NPC1: variants seen among roughly 807,000 people sequenced by gnomAD.
NPC1 encodes the protein Niemann-Pick C1 protein.
Under a neutral mutation model 140.4 loss-of-function variants are expected in NPC1, and 85 were observed. That is an observed-to-expected ratio of 0.61 (90% confidence interval 0.51 to 0.72). The LOEUF (loss-of-function observed/expected upper bound fraction) is 0.72. Ranked by LOEUF, NPC1 falls within the 30% of genes least tolerant of loss-of-function variation. NPC1 has a pLI of 0.00. For missense variants in NPC1, 1,504 were observed against 1,623.8 expected (o/e 0.93, Z 1.27); for synonymous variants, 656 against 624.8 (o/e 1.05, Z -0.74).
At chr18:23,559,204 G>A (rs936665969) in intron 6 of NPC1, among the ~76,000 whole-genome samples, 6 of 152,170 alleles carry the variant, frequency 3.9e-5, no homozygotes, top group South Asian at 4.1e-4. Flanking sequence ...TGTCTTTATA[G>A]CAGCATGATT....
intron 10 of NPC1, among the ~76,000 whole-genome samples, chr18:23,549,252 AG>A (rs1315888202): frequency 6.6e-6 from 1 of 151,832 alleles, no homozygotes; most frequent in Non-Finnish European, 1.5e-5. Flanking sequence ...GCTGGAGTGC[AG>A]TGGCACAATC....
rs879083100 is a variant in NPC1, at chr18:23,557,062, T to C, written c.955+55A>G. ...GCAACCCCACTGAGGAAACGAATGC[T>C]CTCATGACAGACAGCATCATCTGAA... On this transcript the variant is annotated intron_variant, in intron 7 of 24. Transcript: ENST00000269228. 24 of 1,429,168 alleles carry C rather than the reference T, an allele frequency of 1.7e-5. No individual in the cohort carries two copies. In the South Asian group the frequency reaches 2.0e-4, roughly 12 times the overall value. The allele number at this position is 1,429,168 out of a possible 1,614,324, so 88.5% of individuals were successfully genotyped here. A position where few individuals can be genotyped will look rare whatever the true frequency, so the allele number is the denominator to read the frequency against.
At chr18:23,562,049 G>A (rs1310122886) in intron 4 of NPC1, among the ~76,000 whole-genome samples, 2 of 152,160 alleles carry the variant, frequency 1.3e-5, no homozygotes, top group Non-Finnish European at 2.9e-5. Context: ...CAGCACTCTG[G>A]GAGGCCGAGG....
At position 23,586,338 on chromosome 18, in the gene NPC1, G is replaced by A. The variant is rs2059418844; in HGVS notation, c.6C>T (p.Thr2=). 2 of 1,533,506 alleles carry A rather than the reference G, an allele frequency of 1.3e-6. No homozygotes were observed. Among genetic ancestry groups the A allele is most frequent in the Non-Finnish European group, 1.7e-6 (2 of 1,146,048 alleles). The allele number at this position is 1,533,506 out of a possible 1,614,324, so 95.0% of individuals were successfully genotyped here. ...GGAGGCCAAGGGCCAGGCCGCGAGC[G>A]GTCATGCTGTGGCCGCGCAAGGCTG... M[T]ARGLALGLLL... Residue 2 remains threonine (T), a synonymous_variant, in exon 1 of 25, where the codon ACC becomes ACT. Transcript: ENST00000269228.
At chr18:23,526,861 T>C, downstream of NPC1, 1 of 1,483,282 alleles carries the variant, frequency 6.7e-7, no homozygotes, top group East Asian at 2.3e-5. Flanking sequence ...TTGTGTCTTG[T>C]CTGTGACCCA....
chr18:23,519,149 T>C, downstream of NPC1: 1 of 1,614,126 alleles, frequency 6.2e-7, no homozygotes, highest in Non-Finnish European at 8.5e-7. Context: ...GACAACCTGG[T>C]AGTCGTGCAT....
chr18:23,571,874 T>A (rs916750703), intron 3 of NPC1, among the ~76,000 whole-genome samples, 200 bp downstream of exon 3: 11 of 151,758 alleles, frequency 7.2e-5, no homozygotes, highest in African/African-American at 2.2e-4. Flanking sequence ...GCATACACAT[T>A]ATACATACAT....
At chr18:23,569,599 G>C (rs926018456) in intron 3 of NPC1, among the ~76,000 whole-genome samples, 7 of 152,156 alleles carry the variant, frequency 4.6e-5, no homozygotes, top group African/African-American at 1.7e-4. Flanking sequence ...TGGGATTATC[G>C]ACATGAGCGC....
chr18:23,526,073 G>C (rs1049009967), downstream of NPC1, among the ~76,000 whole-genome samples: 1 of 152,318 alleles, frequency 6.6e-6, no homozygotes, highest in East Asian at 1.9e-4. Context: ...TCACCCAGAT[G>C]ATTTTTTATG....
At chr18:23,507,487 C>T (rs1248691985) in intron 3 of NPC1, among the ~76,000 whole-genome samples, 1 of 152,146 alleles carries the variant, frequency 6.6e-6, no homozygotes, top group Non-Finnish European at 1.5e-5. Flanking sequence ...GTGAATTAGC[C>T]TTTTCATCTC....
intron 3 of NPC1, among the ~76,000 whole-genome samples, chr18:23,515,135 A>G (rs568806977): frequency 6.6e-6 from 1 of 152,212 alleles, no homozygotes; most frequent in Non-Finnish European, 1.5e-5. Flanking sequence ...TGGAGGTGTC[A>G]GTTTCTTTTG....
chr18:23,571,934 T>G, intron 3 of NPC1, 140 bp downstream of exon 3: 1 of 296,424 alleles, frequency 3.4e-6, no homozygotes, highest in Non-Finnish European at 6.2e-6. Context: ...TGTATACATA[T>G]ATGTATAAAT....
At chr18:23,568,702 T>C (rs2059160510) in intron 4 of NPC1, 121 bp downstream of exon 4, 1 of 795,052 alleles carries the variant, frequency 1.3e-6, no homozygotes, top group South Asian at 1.5e-5. Flanking sequence ...CAACTCTTAT[T>C]TCCTGGCCAA....
intron 1 of NPC1, among the ~76,000 whole-genome samples, chr18:23,584,250 T>A (rs2059388963): frequency 6.6e-6 from 1 of 152,248 alleles, no homozygotes; most frequent in East Asian, 1.9e-4. Flanking sequence ...AGAACTCTAC[T>A]AGCGCTCAGA....
At chr18:23,572,348 C>T (rs1567980242) in intron 2 of NPC1, among the ~76,000 whole-genome samples, 168 bp from the exon 3 acceptor site, 1 of 152,202 alleles carries the variant, frequency 6.6e-6, no homozygotes, top group South Asian at 2.1e-4. Flanking sequence ...AAAGGCTACA[C>T]ATTTACTATT....
downstream of NPC1, among the ~76,000 whole-genome samples, chr18:23,530,815 C>T (rs573331756): frequency 1.3e-5 from 2 of 152,104 alleles, no homozygotes; most frequent in East Asian, 1.9e-4. Context: ...TGGAACTCAC[C>T]GAGGAGGTGT....
chr18:23,527,405 A>AAAT (rs369275891), downstream of NPC1, among the ~76,000 whole-genome samples: 1 of 151,762 alleles, frequency 6.6e-6, no homozygotes, highest in African/African-American at 2.4e-5. Context: ...ATCCAAAAAA[A>AAAT]AATAATAATA....
chr18:23,546,577 C>A (rs958742849), intron 11 of NPC1, among the ~76,000 whole-genome samples: 4 of 152,154 alleles, frequency 2.6e-5, no homozygotes, highest in African/African-American at 9.7e-5. Flanking sequence ...GTGTTCATAG[C>A]AGCATTATTC....
intron 3 of NPC1, chr18:23,516,452 C>T (rs1220890138): frequency 1.3e-6 from 2 of 1,598,844 alleles, no homozygotes; most frequent in Admixed American, 3.3e-5. Flanking sequence ...GAATTCCATC[C>T]TGTGATTGCT....
Sources: gnomAD v4.1 joint callset for allele counts (sites outside exome capture counted in the v4.1 genomes callset) on GRCh38, gnomAD v4.1.1 for gene constraint, MANE v1.5 for transcripts, NCBI Gene and HGNC (gene_info 2026-07-23, HGNC 2026-07-21) for gene names.